PBX1: variants seen among roughly 807,000 people sequenced by gnomAD.
PBX1 encodes the protein pre-B-cell leukemia transcription factor 1.
PBX1 carries 6 observed loss-of-function variants against 53.4 expected under a neutral mutation model. The observed-to-expected ratio is 0.11, with a 90% confidence interval of 0.06 to 0.22. PBX1 has a LOEUF of 0.22. PBX1 is among the 10% of genes least tolerant of loss of function. The pLI is 1.00. For missense variants in PBX1, 251 were observed against 551.4 expected (o/e 0.46, Z 5.46); for synonymous variants, 204 against 212.3 (o/e 0.96, Z 0.34).
chr1:164,719,873 A>C (rs1664308355), intron 2 of PBX1, among the ~76,000 whole-genome samples: 1 of 152,164 alleles, frequency 6.6e-6, no homozygotes, highest in Non-Finnish European at 1.5e-5. Flanking sequence ...CAATGTGGAC[A>C]TGGCAAGCCT....
chr1:164,582,668 C>T (rs1028333836), intron 2 of PBX1, among the ~76,000 whole-genome samples: 23 of 151,954 alleles, frequency 1.5e-4, no homozygotes, highest in Non-Finnish European at 3.4e-4. Flanking sequence ...GGTGATCTGC[C>T]TGCCTTGGCC....
chr1:164,612,758 C>T (rs940723064), intron 2 of PBX1, among the ~76,000 whole-genome samples: 5 of 152,090 alleles, frequency 3.3e-5, no homozygotes, highest in African/African-American at 1.2e-4. Context: ...TCTTCCTGGT[C>T]CCTCTCCCCT....
chr1:164,720,533 C>T (rs74118002), intron 2 of PBX1, among the ~76,000 whole-genome samples: 3,372 of 152,196 alleles, frequency 0.022, 143 homozygotes, highest in African/African-American at 0.078. Flanking sequence ...AAGCAATGCC[C>T]CTAGAACTCT....
At chr1:164,730,310 C>A (rs924112043) in intron 2 of PBX1, among the ~76,000 whole-genome samples, 6 of 152,204 alleles carry the variant, frequency 3.9e-5, no homozygotes, top group Admixed American at 6.5e-5. Flanking sequence ...CCTGCCTTAT[C>A]TGTGGCCTGG....
At chr1:164,699,691 G>T (rs1409949012) in intron 2 of PBX1, among the ~76,000 whole-genome samples, 1 of 152,202 alleles carries the variant, frequency 6.6e-6, no homozygotes, top group Admixed American at 6.5e-5. Context: ...TGCCAGGACT[G>T]TCCCTTCAGG....
chr1:164,723,244 G>C (rs1286543977), intron 2 of PBX1, among the ~76,000 whole-genome samples: 1 of 152,294 alleles, frequency 6.6e-6, no homozygotes, highest in South Asian at 2.1e-4. Context: ...CCTGGCACCA[G>C]ACTACTGCTT....
At position 164,848,116 on chromosome 1, in the gene PBX1, T is replaced by G. The variant is rs528286032; in HGVS notation, c.*1440T>G. The G allele has an allele frequency of 9.5e-7, 1 of 1,051,532 alleles. No homozygotes were observed. The highest frequency in any genetic ancestry group is 1.7e-5 in the African/African-American group (1 of 60,464). The allele number at this position is 1,051,532 out of a possible 1,614,324, so 65.1% of individuals were successfully genotyped here. On this transcript the variant is annotated 3_prime_UTR_variant, in exon 9 of 9. Transcript: ENST00000420696. ...CTTTTGCTAGCTTCATTTGAGGACC[T>G]GAGAATCATGGGGAAAGGGAAGGTA... is the stretch of plus-strand genomic sequence containing the variant.
chr1:164,758,311 G>A (rs146922701), intron 2 of PBX1, among the ~76,000 whole-genome samples: 247 of 152,238 alleles, frequency 1.6e-3, no homozygotes, highest in African/African-American at 5.3e-3. Context: ...AAATATATCA[G>A]TGCATGGTGT....
At chr1:164,643,989 T>A (rs1659304036) in intron 2 of PBX1, among the ~76,000 whole-genome samples, 1 of 152,232 alleles carries the variant, frequency 6.6e-6, no homozygotes, top group Admixed American at 6.5e-5. Context: ...TAACTTTAAC[T>A]TTGGCATTCC....
intron 2 of PBX1, among the ~76,000 whole-genome samples, chr1:164,741,649 C>T (rs552770692): frequency 6.6e-6 from 1 of 152,130 alleles, no homozygotes; most frequent in Non-Finnish European, 1.5e-5. Flanking sequence ...TTTAATAAGT[C>T]CCCTGGCCAT....
intron 5 of PBX1, among the ~76,000 whole-genome samples, chr1:164,808,564 G>C (rs1277192790): frequency 1.3e-5 from 2 of 152,160 alleles, no homozygotes; most frequent in African/African-American, 4.8e-5. Context: ...AGTAGTGAAG[G>C]CTACTGTAGC....
In PBX1 at chr1:164,792,146, C is replaced by G. The variant is rs535490039; in HGVS notation, c.266-348C>G. Among the ~76,000 whole-genome samples, 3 of 152,198 alleles carry G rather than the reference C, an allele frequency of 2.0e-5. No individual in the cohort carries two copies. The South Asian group carries it at 6.2e-4, about 32-fold the overall frequency. On this transcript the variant is annotated intron_variant, in intron 2 of 8. Coordinates refer to ENST00000420696, the MANE Select transcript of PBX1 (RefSeq NM_002585.4). ...TGTACAGTTGAGTATTATTTTGCAG[C>G]CATCTCAAAAACTCAGCTTCCCAAA...
At chr1:164,738,431 A>G (rs1665416777) in intron 2 of PBX1, among the ~76,000 whole-genome samples, 1 of 152,112 alleles carries the variant, frequency 6.6e-6, no homozygotes, top group Non-Finnish European at 1.5e-5. Flanking sequence ...GATTATAGGC[A>G]TGTGCCACTA....
At chr1:164,861,810 A>G (rs1672105124) in intron 2 of PBX1, among the ~76,000 whole-genome samples, 1 of 152,232 alleles carries the variant, frequency 6.6e-6, no homozygotes, top group Non-Finnish European at 1.5e-5. Flanking sequence ...AGAGTATTCC[A>G]GGCAGAGAAC....
chr1:164,605,701 A>G (rs1226398577), intron 2 of PBX1, among the ~76,000 whole-genome samples: 1 of 152,216 alleles, frequency 6.6e-6, no homozygotes. Context: ...GAGCATTTAA[A>G]TGTGTAGGGT....
chr1:164,780,774 G>A (rs1281565931), intron 2 of PBX1, among the ~76,000 whole-genome samples: 1 of 152,124 alleles, frequency 6.6e-6, no homozygotes, highest in Non-Finnish European at 1.5e-5. Flanking sequence ...AAGATTAAAG[G>A]CATAATTTGC....
At chr1:164,698,199 C>T (rs961906561) in intron 2 of PBX1, among the ~76,000 whole-genome samples, 13 of 152,042 alleles carry the variant, frequency 8.6e-5, no homozygotes, top group Admixed American at 1.3e-4. Context: ...AGAAATACCA[C>T]GGTCCCTCGG....
intron 2 of PBX1, among the ~76,000 whole-genome samples, chr1:164,766,774 C>A (rs1440817768): frequency 4.7e-5 from 7 of 149,534 alleles, no homozygotes; most frequent in African/African-American, 1.5e-4. Flanking sequence ...GGCTCTGTCA[C>A]CCAGCCTGGA....
At chr1:164,798,053 G>A (rs1668872405) in intron 3 of PBX1, among the ~76,000 whole-genome samples, 1 of 152,188 alleles carries the variant, frequency 6.6e-6, no homozygotes, top group South Asian at 2.1e-4. Context: ...ACTTTTGGGT[G>A]AGTTAAATGA....
Sources: allele counts gnomAD v4.1 joint callset (sites outside exome capture counted in the v4.1 genomes callset), GRCh38; gene constraint gnomAD v4.1.1; transcripts MANE v1.5; gene names NCBI Gene and HGNC (gene_info 2026-07-23, HGNC 2026-07-21).